The following TSHZ3 variants were observed in gnomAD, a reference collection of about 807,000 sequenced individuals.
The protein encoded by TSHZ3 is teashirt zinc finger homeobox 3, also known as teashirt homolog 3.
In TSHZ3, 10 loss-of-function variants were observed where a neutral mutation model predicts 64.5. That is an observed-to-expected ratio of 0.16 (90% CI 0.10 to 0.26). The LOEUF (loss-of-function observed/expected upper bound fraction) is 0.26. Among genes scored for constraint, TSHZ3 ranks in the 10% least tolerant of loss-of-function variants. The probability of loss-of-function intolerance (pLI) is 1.00; values close to 1 mark genes in which losing one functional copy is unlikely to be tolerated. For synonymous variants in TSHZ3, 608 were observed against 593.1 expected, an observed-to-expected ratio of 1.03 and a Z score of -0.36; for missense variants, 1,242 against 1,421.7, an observed-to-expected ratio of 0.87 and a Z score of 2.03.
chr19:31,189,446 A>G (rs1413811238), intron 5 of TSHZ3, among the ~76,000 whole-genome samples: 1 of 151,870 alleles, frequency 6.6e-6, no homozygotes, highest in East Asian at 1.9e-4. Flanking sequence ...TTCATTGTCA[A>G]TTATTTTTAA....
chr19:31,294,899 T>C (rs575460788), intron 1 of TSHZ3, among the ~76,000 whole-genome samples: 2 of 152,308 alleles, frequency 1.3e-5, no homozygotes, highest in African/African-American at 4.8e-5. Flanking sequence ...CACTAACTGG[T>C]TCATGCCTTG....
intron 1 of TSHZ3, among the ~76,000 whole-genome samples, chr19:31,331,726 T>G (rs1917101187): frequency 6.6e-6 from 1 of 152,230 alleles, no homozygotes; most frequent in Non-Finnish European, 1.5e-5. Flanking sequence ...ACCTGCCACC[T>G]ACTGTGGTGT....
chr19:31,336,522 C>T (rs921477637), intron 1 of TSHZ3, among the ~76,000 whole-genome samples: 18 of 152,290 alleles, frequency 1.2e-4, no homozygotes, highest in African/African-American at 4.1e-4. Context: ...TGACGGTGGA[C>T]CTCATGGAAT....
At chr19:31,261,989 T>C (rs1437916744) in intron 1 of TSHZ3, among the ~76,000 whole-genome samples, 1 of 152,216 alleles carries the variant, frequency 6.6e-6, no homozygotes, top group African/African-American at 2.4e-5. Flanking sequence ...TTTGTAAATT[T>C]TGTTATTCTG....
intron 1 of TSHZ3, among the ~76,000 whole-genome samples, chr19:31,333,524 C>T (rs1434102513): frequency 6.6e-6 from 1 of 152,152 alleles, no homozygotes; most frequent in Non-Finnish European, 1.5e-5. Flanking sequence ...TCAGCCAACC[C>T]CGTGGCATGC....
At chr19:31,265,886 C>T (rs1243804144) in intron 1 of TSHZ3, among the ~76,000 whole-genome samples, 1 of 152,218 alleles carries the variant, frequency 6.6e-6, no homozygotes, top group Admixed American at 6.5e-5. Flanking sequence ...TTCCTGGTGA[C>T]ATCACTGAGC....
chr19:31,163,567 C>CT (rs1974399104), intron 5 of TSHZ3, among the ~76,000 whole-genome samples: 1 of 152,058 alleles, frequency 6.6e-6, no homozygotes, highest in Non-Finnish European at 1.5e-5. Context: ...CCCACCTCTA[C>CT]TAAAAACACA....
chr19:31,316,870 G>A (rs888862606), intron 1 of TSHZ3, among the ~76,000 whole-genome samples: 3 of 152,056 alleles, frequency 2.0e-5, no homozygotes, highest in Non-Finnish European at 4.4e-5. Flanking sequence ...CTTTCTAGTC[G>A]TTTTCCCGTT....
Position 31,313,131 on chromosome 19 carries a change from T to C in TSHZ3, c.41-33379A>G, listed in dbSNP as rs1242646184. Reference sequence around the variant, plus strand: ...AAACCTGCTTGGGGGCAAGGAACAGTCACAGAGGCTTCCAGAGGAGACTCT... The same window carrying C: ...AAACCTGCTTGGGGGCAAGGAACAGCCACAGAGGCTTCCAGAGGAGACTCT... On this transcript the variant is annotated intron_variant, in intron 1 of 1. Transcript: ENST00000240587. 2.6e-5 allele frequency among the ~76,000 whole-genome samples: 4 copies of C among 152,062 alleles called. No homozygotes were observed. In the East Asian group the frequency reaches 5.8e-4, roughly 22 times the overall value.
At chr19:31,283,851 G>C (rs945463187) in intron 1 of TSHZ3, among the ~76,000 whole-genome samples, 10 of 152,170 alleles carry the variant, frequency 6.6e-5, no homozygotes, top group Non-Finnish European at 1.5e-5. Context: ...CACAGCGAAT[G>C]CCCTGGATCA....
At chr19:31,307,969 A>AT (rs1693987435) in intron 1 of TSHZ3, among the ~76,000 whole-genome samples, 1 of 152,156 alleles carries the variant, frequency 6.6e-6, no homozygotes, top group Non-Finnish European at 1.5e-5. Context: ...TGACATTATT[A>AT]TTTTTCTGTC....
intron 5 of TSHZ3, among the ~76,000 whole-genome samples, chr19:31,182,713 A>T (rs1432631168): frequency 6.6e-6 from 1 of 152,178 alleles, no homozygotes; most frequent in African/African-American, 2.4e-5. Flanking sequence ...TAACCCATAC[A>T]ACACGTGTCC....
intron 1 of TSHZ3, among the ~76,000 whole-genome samples, chr19:31,300,227 T>C (rs182147704): frequency 4.5e-4 from 69 of 152,294 alleles, no homozygotes; most frequent in African/African-American, 1.6e-3. Context: ...ACGAGACTAC[T>C]CTAACCCTTG....
intron 4 of TSHZ3, among the ~76,000 whole-genome samples, chr19:31,205,092 G>T (rs1975147012): frequency 6.6e-6 from 1 of 152,138 alleles, no homozygotes; most frequent in Non-Finnish European, 1.5e-5. Context: ...CAGAGGTGTA[G>T]GAGATGAGCC....
chr19:31,340,908 G>T (rs1917413427), intron 1 of TSHZ3, among the ~76,000 whole-genome samples: 1 of 152,250 alleles, frequency 6.6e-6, no homozygotes, highest in African/African-American at 2.4e-5. Flanking sequence ...TCTGGACACA[G>T]GCCAGGGAAC....
chr19:31,231,826 G>A (rs1443124848), intron 3 of TSHZ3, among the ~76,000 whole-genome samples: 1 of 152,118 alleles, frequency 6.6e-6, no homozygotes, highest in Non-Finnish European at 1.5e-5. Flanking sequence ...TGATTTAAGG[G>A]CATTCACTTC....
intron 4 of TSHZ3, chr19:31,207,527 A>T (rs2145156457): frequency 6.6e-6 from 1 of 151,646 alleles, no homozygotes; most frequent in Admixed American, 6.5e-5. Context: ...TAGAAATGTC[A>T]AAGCAGAAGA....
intron 1 of TSHZ3, among the ~76,000 whole-genome samples, chr19:31,247,484 G>T (rs1408198115): frequency 6.6e-6 from 1 of 151,944 alleles, no homozygotes; most frequent in East Asian, 1.9e-4. Context: ...AATTGAGGAC[G>T]ATCCACACAG....
intron 3 of TSHZ3, among the ~76,000 whole-genome samples, chr19:31,231,199 C>A (rs2145175879): frequency 6.6e-6 from 1 of 152,194 alleles, no homozygotes; most frequent in Non-Finnish European, 1.5e-5. Flanking sequence ...CACAACAATC[C>A]ATTGGCAAAA....
Sources: allele counts gnomAD v4.1 joint callset (sites outside exome capture counted in the v4.1 genomes callset), GRCh38; gene constraint gnomAD v4.1.1; transcripts MANE v1.5; gene names NCBI Gene and HGNC (gene_info 2026-07-23, HGNC 2026-07-21).